The following MMRN1 variants were observed in gnomAD, a reference collection of about 807,000 sequenced individuals.
MMRN1 encodes multimerin 1.
In MMRN1, 94 loss-of-function variants were observed where a neutral mutation model predicts 100.7. The ratio of observed to expected loss-of-function variants is 0.93; its 90% CI spans 0.79 to 1.11. The LOEUF (loss-of-function observed/expected upper bound fraction) is 1.11, where lower values mean the gene tolerates loss of function less well. Among genes scored for constraint, MMRN1 ranks in the 50% least tolerant of loss-of-function variants. The pLI is 0.00. For missense variants in MMRN1, 1,606 were observed against 1,439.1 expected (o/e 1.12, Z -1.88); for synonymous variants, 575 against 505.0 (o/e 1.14, Z -1.86).
chr4:89,940,113 T>C (rs1358533705), intron 6 of MMRN1, among the ~76,000 whole-genome samples: 1 of 152,178 alleles, frequency 6.6e-6, no homozygotes, highest in East Asian at 1.9e-4. Context: ...AATATTCTAA[T>C]AGACACCAAG....
chr4:89,886,776 A>G (rs1432889722), intron 1 of MMRN1, among the ~76,000 whole-genome samples: 1 of 152,104 alleles, frequency 6.6e-6, no homozygotes, highest in East Asian at 1.9e-4. Context: ...ATATTTTGAT[A>G]CAACATACAA....
intron 6 of MMRN1, among the ~76,000 whole-genome samples, chr4:89,937,382 T>C (rs574358373): frequency 1.3e-5 from 2 of 152,138 alleles, no homozygotes; most frequent in South Asian, 4.1e-4. Flanking sequence ...AGCAATAGTG[T>C]GTAGTGTGAT....
upstream of MMRN1, among the ~76,000 whole-genome samples, chr4:89,889,956 G>T (rs900415258): frequency 6.6e-6 from 1 of 152,114 alleles, no homozygotes; most frequent in African/African-American, 2.4e-5. Context: ...AGCCTTTGGA[G>T]GACCTTTCCT....
chr4:89,942,289 G>A (rs544598640), intron 6 of MMRN1, among the ~76,000 whole-genome samples: 4 of 152,036 alleles, frequency 2.6e-5, no homozygotes, highest in Admixed American at 6.6e-5. Flanking sequence ...TAAATTAAAT[G>A]CAATAAACAT....
chr4:89,889,189 G>C (rs113997642), intron 1 of MMRN1, among the ~76,000 whole-genome samples: 1 of 152,118 alleles, frequency 6.6e-6, no homozygotes, highest in African/African-American at 2.4e-5. Context: ...CTTTGAGGAC[G>C]TGATAAGGAT....
intron 3 of MMRN1, among the ~76,000 whole-genome samples, chr4:89,912,294 A>T (rs1721779798): frequency 6.6e-6 from 1 of 151,272 alleles, no homozygotes; most frequent in South Asian, 2.1e-4. Context: ...TGGAAATCTG[A>T]TGAAAGATCT....
chr4:89,929,400 A>G (rs1004996434), intron 5 of MMRN1, among the ~76,000 whole-genome samples: 5 of 152,148 alleles, frequency 3.3e-5, no homozygotes, highest in Admixed American at 2.0e-4. Context: ...CTCAACCACT[A>G]AAAGAAAGAC....
chr4:89,889,145 G>A (rs190192399), intron 1 of MMRN1, among the ~76,000 whole-genome samples: 25 of 152,204 alleles, frequency 1.6e-4, no homozygotes, highest in Admixed American at 1.6e-3. Context: ...AATTGTTGTA[G>A]CATTAAGTTT....
intron 5 of MMRN1, among the ~76,000 whole-genome samples, chr4:89,933,890 A>T (rs1722521524): frequency 6.6e-6 from 1 of 152,172 alleles, no homozygotes. Flanking sequence ...AGATATTATA[A>T]ATATATCTCT....
intron 6 of MMRN1, among the ~76,000 whole-genome samples, chr4:89,949,008 G>T (rs1469117080): frequency 6.6e-6 from 1 of 152,082 alleles, no homozygotes; most frequent in Non-Finnish European, 1.5e-5. Context: ...TTGGAAAATG[G>T]GGTAAAATAG....
chr4:89,935,318 G>A lies in MMRN1; in HGVS notation c.1638G>A (p.Met546Ile), dbSNP rs375002655. ...ESVSNNVTEY[M>I]STLHENIKKQ... is the part of the protein sequence containing the mutation. Reference sequence around the variant, plus strand: ...TTAGCAATAATGTCACTGAGTACATGTCTACTTTACATGAAAATATAAAGA... The same window carrying A: ...TTAGCAATAATGTCACTGAGTACATATCTACTTTACATGAAAATATAAAGA... Residue 546 changes from methionine to isoleucine, a missense_variant, in exon 6 of 8, where the codon ATG becomes ATA. Met to Ile is a conservative substitution (Grantham distance 10). Transcript: ENST00000264790. 5.0e-6 allele frequency: 8 copies of A among 1,613,566 alleles called. No individual in the cohort carries two copies. The highest frequency in any genetic ancestry group is 6.8e-6 in the Non-Finnish European group (8 of 1,179,788).
intron 6 of MMRN1, among the ~76,000 whole-genome samples, chr4:89,949,738 A>G (rs985516261): frequency 6.6e-6 from 1 of 152,242 alleles, no homozygotes; most frequent in Non-Finnish European, 1.5e-5. Context: ...ATTTCTCATT[A>G]CATAAGTACA....
At chr4:89,911,196 T>C (rs1304428453) in intron 2 of MMRN1, among the ~76,000 whole-genome samples, 2 of 151,466 alleles carry the variant, frequency 1.3e-5, no homozygotes, top group African/African-American at 2.4e-5. Context: ...GTAAGACTAA[T>C]ATGGCCAAAT....
upstream of MMRN1, among the ~76,000 whole-genome samples, chr4:89,892,368 TTAGTATC>T (rs1268713511): frequency 4.0e-5 from 6 of 151,344 alleles, no homozygotes; most frequent in African/African-American, 1.5e-4. Flanking sequence ...CAATAGTATT[TTAGTATC>T]TAGTATCTAG....
chr4:89,901,705 T>C (rs1721393722), intron 1 of MMRN1, among the ~76,000 whole-genome samples: 1 of 152,036 alleles, frequency 6.6e-6, no homozygotes, highest in Admixed American at 6.6e-5. Context: ...AAACACTACA[T>C]AAAGTATATT....
chr4:89,948,162 T>C (rs1003160263), intron 6 of MMRN1, among the ~76,000 whole-genome samples: 5 of 152,204 alleles, frequency 3.3e-5, no homozygotes, highest in African/African-American at 9.7e-5. Flanking sequence ...AAAAGTTGAT[T>C]TCTAACTCAT....
chr4:89,935,379 T>C lies in MMRN1; in HGVS notation c.1699T>C (p.Leu567=), dbSNP rs1722582297. 1.9e-6 allele frequency: 3 copies of C among 1,613,316 alleles called. No individual in the cohort carries two copies. Among genetic ancestry groups the C allele is most frequent in the Non-Finnish European group, 2.5e-6 (3 of 1,179,698 alleles). The part of the protein sequence containing the change: ...SLMMLQMFED[L]HIQESKINNL... ...GATGATGCTGCAAATGTTTGAAGAT[T>C]TGCACATTCAAGAAAGCAAGATTAA... Residue 567 remains leucine, a synonymous_variant, in exon 6 of 8, where the codon TTG becomes CTG. Coordinates refer to ENST00000264790, the MANE Select transcript of MMRN1 (RefSeq NM_007351.3).
At chr4:89,880,021 A>C (rs1041357008) in intron 1 of MMRN1, among the ~76,000 whole-genome samples, 5 of 152,166 alleles carry the variant, frequency 3.3e-5, no homozygotes, top group African/African-American at 1.2e-4. Context: ...TGGGTATAGA[A>C]ACCCTGGGGG....
At position 89,923,193 on chromosome 4, in the gene MMRN1, C is replaced by A; in HGVS notation, c.876C>A (p.His292Gln). 1.2e-6 allele frequency: 2 copies of A among 1,613,980 alleles called. No individual in the cohort carries two copies. Among genetic ancestry groups the A allele is most frequent in the African/African-American group, 1.3e-5 (1 of 75,048 alleles). The change falls in exon 4 of 8, where the codon CAC becomes CAA. Residue 292 changes from histidine (H) to glutamine (Q), a missense_variant. Coordinates refer to ENST00000264790, the MANE Select transcript of MMRN1 (RefSeq NM_007351.3). The part of the protein sequence containing the change: ...LRAQEQQSLI[H>Q]TNQAESHTAV... ...CCCAGGAACAGCAAAGTTTGATACA[C>A]ACCAACCAGGCTGAAAGTCATACAG...
Sources: gnomAD v4.1 joint callset for allele counts (sites outside exome capture counted in the v4.1 genomes callset) on GRCh38, gnomAD v4.1.1 for gene constraint, MANE v1.5 for transcripts, NCBI Gene and HGNC (gene_info 2026-07-23, HGNC 2026-07-21) for gene names.